The following PIP5K1B variants were observed in gnomAD, a reference collection of about 807,000 sequenced individuals.
PIP5K1B encodes phosphatidylinositol-4-phosphate 5-kinase type 1 beta.
A neutral mutation model predicts 67.0 loss-of-function variants in PIP5K1B; 42 were observed. The ratio of observed to expected loss-of-function variants is 0.63; its 90% CI spans 0.49 to 0.81. The LOEUF is 0.81. Among genes scored for constraint, PIP5K1B ranks in the 30% least tolerant of loss-of-function variants. The pLI, the probability that PIP5K1B is intolerant of heterozygous loss-of-function variation, is 0.00. For missense variants in PIP5K1B, 459 were observed against 646.3 expected (o/e 0.71, Z 3.14); for synonymous variants, 214 against 231.4 (o/e 0.92, Z 0.68).
At chr9:68,778,864 C>T (rs1165145976) in intron 2 of PIP5K1B, among the ~76,000 whole-genome samples, 5 of 152,170 alleles carry the variant, frequency 3.3e-5, no homozygotes, top group Admixed American at 3.3e-4. Context: ...TCATGGCTGC[C>T]TCCGGCCTTA....
chr9:68,824,109 A>C (rs757028742), intron 4 of PIP5K1B: 2 of 518,804 alleles, frequency 3.9e-6, no homozygotes, highest in African/African-American at 3.9e-5. Flanking sequence ...CAAGTGAAAA[A>C]CCAAATCCTG....
intron 2 of PIP5K1B, among the ~76,000 whole-genome samples, chr9:68,809,526 G>A (rs768093359): frequency 5.9e-5 from 9 of 152,174 alleles, no homozygotes; most frequent in Non-Finnish European, 1.3e-4. Context: ...GGTGGAAGGA[G>A]CAATGAGGAA....
intron 2 of PIP5K1B, among the ~76,000 whole-genome samples, chr9:68,812,803 T>C (rs1833239004): frequency 6.6e-6 from 1 of 152,268 alleles, no homozygotes; most frequent in Non-Finnish European, 1.5e-5. Flanking sequence ...ATTTGTGGTT[T>C]AAGTCAGGTT....
chr9:68,850,022 T>A (rs1192312523), intron 4 of PIP5K1B, among the ~76,000 whole-genome samples: 1 of 152,216 alleles, frequency 6.6e-6, no homozygotes, highest in East Asian at 1.9e-4. Context: ...GACCATGGCT[T>A]AAGCTAAGTT....
chr9:68,776,395 C>A (rs542614401), intron 2 of PIP5K1B, among the ~76,000 whole-genome samples: 2 of 152,228 alleles, frequency 1.3e-5, no homozygotes, highest in East Asian at 3.9e-4. Context: ...TCCACTTATT[C>A]CTCATTGAGA....
At chr9:68,833,435 G>C (rs1834425838) in intron 4 of PIP5K1B, among the ~76,000 whole-genome samples, 1 of 152,238 alleles carries the variant, frequency 6.6e-6, no homozygotes. Flanking sequence ...TCTGAGCAGG[G>C]AAGAGTGGCC....
chr9:68,717,375 A>G (rs1042466450), intron 1 of PIP5K1B, among the ~76,000 whole-genome samples: 3 of 152,226 alleles, frequency 2.0e-5, no homozygotes, highest in African/African-American at 7.2e-5. Context: ...TAGCTTTTCC[A>G]GTTAGTCAAA....
intron 14 of PIP5K1B, among the ~76,000 whole-genome samples, chr9:68,941,861 CT>C (rs1827577883): frequency 6.6e-6 from 1 of 152,086 alleles, no homozygotes; most frequent in African/African-American, 2.4e-5. Flanking sequence ...TATAGGAATT[CT>C]TTTTTGTTGC....
chr9:68,946,550 G>A lies in PIP5K1B; in HGVS notation c.1502+5760G>A, dbSNP rs777040188. On this transcript the variant is annotated intron_variant, in intron 14 of 15. Coordinates refer to ENST00000265382, the MANE Select transcript of PIP5K1B (RefSeq NM_003558.4). ...TGGGACTACAGGTGCGTGCCACCAC[G>A]CCCGGCTAATTTTTTTTTAGTAGAG... Among the ~76,000 whole-genome samples the A allele has an allele frequency of 2.0e-5, 3 of 151,648 alleles. No individual in the cohort carries two copies. The East Asian group carries it at 5.8e-4, about 29-fold the overall frequency.
intron 14 of PIP5K1B, among the ~76,000 whole-genome samples, chr9:68,983,830 A>G (rs1339725045): frequency 6.6e-6 from 1 of 152,140 alleles, no homozygotes; most frequent in Non-Finnish European, 1.5e-5. Flanking sequence ...TTGGGATGAT[A>G]ACTTGAGCCC....
intron 1 of PIP5K1B, among the ~76,000 whole-genome samples, chr9:68,712,849 C>G (rs567635339): frequency 6.6e-6 from 1 of 152,196 alleles, no homozygotes; most frequent in Non-Finnish European, 1.5e-5. Flanking sequence ...AAGCACAAAA[C>G]AAAACGTTGC....
At chr9:68,911,581 G>A (rs1326445730) in intron 8 of PIP5K1B, among the ~76,000 whole-genome samples, 2 of 151,840 alleles carry the variant, frequency 1.3e-5, no homozygotes, top group African/African-American at 4.8e-5. Flanking sequence ...AGAATTTAGG[G>A]TTATAGCATG....
chr9:68,828,618 A>G (rs1834115105), intron 4 of PIP5K1B, among the ~76,000 whole-genome samples: 1 of 152,174 alleles, frequency 6.6e-6, no homozygotes, highest in Non-Finnish European at 1.5e-5. Flanking sequence ...TTGCTTTTTC[A>G]CCATGAGTAA....
intron 14 of PIP5K1B, among the ~76,000 whole-genome samples, chr9:68,958,684 G>A (rs1828542172): frequency 6.6e-6 from 1 of 152,026 alleles, no homozygotes; most frequent in South Asian, 2.1e-4. Flanking sequence ...AAATTAGATG[G>A]GCTCTGTGGA....
At chr9:68,856,284 C>T (rs187180497) in intron 4 of PIP5K1B, among the ~76,000 whole-genome samples, 1 of 152,302 alleles carries the variant, frequency 6.6e-6, no homozygotes, top group East Asian at 1.9e-4. Context: ...ATCAACTCCC[C>T]TAATTTCCTA....
At chr9:68,912,201 A>C (rs1397981438) in intron 8 of PIP5K1B, among the ~76,000 whole-genome samples, 3 of 152,154 alleles carry the variant, frequency 2.0e-5, no homozygotes, top group African/African-American at 7.2e-5. Flanking sequence ...TACAATGTGT[A>C]ATTCGGGCTT....
At chr9:68,786,632 T>C (rs1831633763) in intron 2 of PIP5K1B, among the ~76,000 whole-genome samples, 1 of 152,130 alleles carries the variant, frequency 6.6e-6, no homozygotes, top group Admixed American at 6.5e-5. Context: ...CAGGAAGTTT[T>C]TTTTTTAGTA....
chr9:68,774,487 A>T (rs1367189395), intron 2 of PIP5K1B, among the ~76,000 whole-genome samples: 2 of 152,128 alleles, frequency 1.3e-5, no homozygotes, highest in Non-Finnish European at 1.5e-5. Context: ...GTCCTTCTCC[A>T]TTTACATTCC....
chr9:69,007,766 A>G (rs917321517), intron 15 of PIP5K1B, among the ~76,000 whole-genome samples: 3 of 152,024 alleles, frequency 2.0e-5, no homozygotes, highest in Non-Finnish European at 2.9e-5. Context: ...CTGAGGCAGG[A>G]GAATCTCATG....
Sources: gnomAD v4.1 joint callset for allele counts (sites outside exome capture counted in the v4.1 genomes callset) on GRCh38, gnomAD v4.1.1 for gene constraint, MANE v1.5 for transcripts, NCBI Gene and HGNC (gene_info 2026-07-23, HGNC 2026-07-21) for gene names.